The following IGSF3 variants were observed in gnomAD, a reference collection of about 807,000 sequenced individuals.
The protein encoded by IGSF3 is glu-Trp-Ile EWI motif-containing protein 3.
In IGSF3, 23 loss-of-function variants were observed where a neutral mutation model predicts 114.4. The observed-to-expected ratio is 0.20, with a 90% CI of 0.14 to 0.28. The LOEUF is 0.28. Ranked by LOEUF, IGSF3 falls within the 10% of genes least tolerant of loss-of-function variation. The pLI is 1.00. For synonymous variants in IGSF3, 571 were observed against 645.2 expected (o/e 0.88, Z 1.74); for missense variants, 1,172 against 1,591.5 (o/e 0.74, Z 4.48).
chr1:116,648,985 A>C lies in IGSF3; in HGVS notation c.43+17299T>G, dbSNP rs4044748. On this transcript the variant is annotated intron_variant, in intron 2 of 10. Transcript: ENST00000369486. The surrounding 1 kb of genome is among the most constrained non-coding windows in gnomAD (Gnocchi z 4.7). ...AGCCAGCAAGCTCCAGCCCATTGAC[A>C]GCAGACCCCTGAGCAAATCAAGTCA... Among the ~76,000 whole-genome samples the C allele has an allele frequency of 1.3e-5, 2 of 152,230 alleles. No homozygotes were observed. The highest frequency in any genetic ancestry group is 2.9e-5 in the Non-Finnish European group (2 of 68,042).
chr1:116,589,181 A>G lies in IGSF3; in HGVS notation c.2030-77T>C. 1 of 1,396,860 alleles carries G rather than the reference A, an allele frequency of 7.2e-7. No homozygotes were observed. The highest frequency in any genetic ancestry group is 1.3e-5 in the South Asian group (1 of 77,216). 86.5% of individuals were successfully genotyped at this position (1,396,860 alleles called of 1,614,324 possible). A position where few individuals can be genotyped will look rare whatever the true frequency, so the allele number is the denominator to read the frequency against. On this transcript the variant is annotated intron_variant, in intron 7 of 10. Transcript: ENST00000369486. The surrounding 1 kb of genome is among the most constrained non-coding windows in gnomAD (Gnocchi z 5.7). ...CCCATCCACCTCCAGGCTCTGAGCCAGGTTTCCTCCAGCACAGTTCCTGGG... is the reference window on the plus strand; with the variant it reads ...CCCATCCACCTCCAGGCTCTGAGCCGGGTTTCCTCCAGCACAGTTCCTGGG...
rs769995025 is a variant in IGSF3 at position 116,588,786 on chromosome 1, T to A, written c.2348A>T (p.His783Leu). The A allele has an allele frequency of 4.3e-5, 69 of 1,614,182 alleles. No individual in the cohort carries two copies. The South Asian group carries it at 7.4e-4, about 17-fold the overall frequency. The change falls in exon 8 of 11, where the codon CAC becomes CTC. Residue 783 changes from histidine to leucine, a missense_variant. Coordinates refer to ENST00000369486, the MANE Select transcript of IGSF3 (RefSeq NM_001007237.3). This position sits in a 1 kb window ranked among gnomAD's most constrained non-coding sequence, Gnocchi z 4.9. The part of the protein sequence containing the change: ...EVSDSGSYYC[H>L]VEEWLLSPNY... ...GGGGCTCAGCAGCCACTCCTCCACG[T>A]GGCAGTAGTAGCTGCCGCTGTCGCT...
Position 116,579,395 on chromosome 1 carries a change from T to G in IGSF3, c.3331A>C (p.Thr1111Pro), listed in dbSNP as rs1246440109. The stretch of plus-strand genomic sequence containing the variant: ...CCTCTGTACTTGGGAAACTCACTTG[T>G]ATCTAGAACACGGATGCCGATGGGG... ...SAPIGIRVLD[T>P]SPTLQSIICS... Residue 1111 changes from threonine to proline, a missense_variant, in exon 10 of 11, where the codon ACA becomes CCA. Coordinates refer to ENST00000369486, the MANE Select transcript of IGSF3 (RefSeq NM_001007237.3). This position sits in a 1 kb window ranked among gnomAD's most constrained non-coding sequence, Gnocchi z 6.4. 1.9e-6 allele frequency: 3 copies of G among 1,557,508 alleles called. No individual in the cohort carries two copies. The African/African-American group carries it at 4.1e-5, about 21-fold the overall frequency.
In IGSF3 at chr1:116,585,123, T is replaced by G. The variant is rs939520850; in HGVS notation, c.2441-71A>C. 38 of 1,216,360 alleles carry G rather than the reference T, an allele frequency of 3.1e-5. No individual in the cohort carries two copies. Among genetic ancestry groups the G allele is most frequent in the Non-Finnish European group, 4.2e-5 (37 of 881,610 alleles). The allele number at this position is 1,216,360 out of a possible 1,614,324, so 75.3% of individuals were successfully genotyped here. On this transcript the variant is annotated intron_variant, in intron 8 of 10. Coordinates refer to ENST00000369486, the MANE Select transcript of IGSF3 (RefSeq NM_001007237.3). This position sits in a 1 kb window ranked among gnomAD's most constrained non-coding sequence, Gnocchi z 4.9. ...AATTCGTACGCACCCTTTCCCAGGGTAGGTGAATGGATGCCTTCCAAATAC... is the reference window on the plus strand; with the variant it reads ...AATTCGTACGCACCCTTTCCCAGGGGAGGTGAATGGATGCCTTCCAAATAC...
rs1041288403 is a variant in IGSF3 at position 116,577,043 on chromosome 1, C to T, written c.*269G>A. The T allele has an allele frequency of 9.4e-6, 4 of 425,298 alleles. No homozygotes were observed. Among genetic ancestry groups the T allele is most frequent in the Non-Finnish European group, 1.7e-5 (4 of 235,140 alleles). 26.3% of individuals were successfully genotyped at this position (425,298 alleles called of 1,614,324 possible). A position where few individuals can be genotyped will look rare whatever the true frequency, so the allele number is the denominator to read the frequency against. On this transcript the variant is annotated 3_prime_UTR_variant, in exon 11 of 11. Coordinates refer to ENST00000369486, the MANE Select transcript of IGSF3 (RefSeq NM_001007237.3). The surrounding 1 kb of genome is among the most constrained non-coding windows in gnomAD (Gnocchi z 5.7). ...ATAAATCTGTGAGTAGATGTGGCAC[C>T]TGGAGCTACTCACTACATTACTAAA...
At chr1:116,643,388 G>C (rs907883990) in intron 2 of IGSF3, among the ~76,000 whole-genome samples, 1 of 152,210 alleles carries the variant, frequency 6.6e-6, no homozygotes, top group Non-Finnish European at 1.5e-5. Context: ...GATTCAGGGC[G>C]GACACTCCTC....
chr1:116,600,093 T>A lies in IGSF3; in HGVS notation c.1877A>T (p.Asn626Ile), dbSNP rs142843832. The A allele has an allele frequency of 6.2e-7, 1 of 1,614,104 alleles. No homozygotes were observed. Among genetic ancestry groups the A allele is most frequent in the African/African-American group, 1.3e-5 (1 of 74,930 alleles). ...RTAIEKAESS[N>I]NVRLSISRAS... is the part of the protein sequence containing the mutation. ...TCGGCTGATGCTTAGGCGGACGTTG[T>A]TGCTGGACTCAGCCTTCTCGATGGC... The change falls in exon 7 of 11, where the codon AAC (asparagine) becomes ATC (isoleucine). Residue 626 changes from asparagine to isoleucine, a missense_variant. Around this residue, in one of 3 missense-constraint regions of IGSF3, gnomAD observed 736 missense variants for 1,042.0 expected, o/e 0.71. Coordinates refer to ENST00000369486, the MANE Select transcript of IGSF3 (RefSeq NM_001007237.3). The surrounding 1 kb of genome is among the most constrained non-coding windows in gnomAD (Gnocchi z 5.5).
intron 7 of IGSF3, among the ~76,000 whole-genome samples, chr1:116,597,209 A>G (rs1234466843): frequency 1.3e-5 from 2 of 152,208 alleles, no homozygotes; most frequent in African/African-American, 4.8e-5. Context: ...TGGGAAAGCA[A>G]TATGTTCCTC....
Position 116,644,729 on chromosome 1 carries a change from C to G in IGSF3, c.43+21555G>C, listed in dbSNP as rs779187237. ...GCCCTGTGTGATGAAAGGACCTCCT[C>G]AGGAAACCTCCCCACCAGCAACTGG... On this transcript the variant is annotated intron_variant, in intron 2 of 10. Transcript: ENST00000369486. This position sits in a 1 kb window ranked among gnomAD's most constrained non-coding sequence, Gnocchi z 5.6. Among the ~76,000 whole-genome samples, 1 of 152,198 alleles carries G rather than the reference C, an allele frequency of 6.6e-6. No individual in the cohort carries two copies. The highest frequency in any genetic ancestry group is 1.5e-5 in the Non-Finnish European group (1 of 68,040).
In IGSF3 at chr1:116,577,564, T is replaced by C; in HGVS notation, c.3335-2A>G. ...AGATGATGGACTGGAGGGTGGGACCTGAAAAGAATCATGAGAGAGACAAGA... is the reference window on the plus strand; with the variant it reads ...AGATGATGGACTGGAGGGTGGGACCCGAAAAGAATCATGAGAGAGACAAGA... On this transcript the variant is annotated splice_acceptor_variant, in intron 10 of 10. Transcript: ENST00000369486. LOFTEE classifies it high-confidence loss of function. The surrounding 1 kb of genome is among the most constrained non-coding windows in gnomAD (Gnocchi z 5.7). 6.2e-7 allele frequency: 1 copy of C among 1,613,474 alleles called. No individual in the cohort carries two copies. The highest frequency in any genetic ancestry group is 8.5e-7 in the Non-Finnish European group (1 of 1,179,712).
At chr1:116,658,219 TA>T (rs1292705182) in intron 2 of IGSF3, among the ~76,000 whole-genome samples, 1 of 152,100 alleles carries the variant, frequency 6.6e-6, no homozygotes, top group Non-Finnish European at 1.5e-5. Context: ...TTTGTGTTTT[TA>T]GTAGAGATGG....
At chr1:116,587,573 G>A (rs1659907394) in intron 8 of IGSF3, among the ~76,000 whole-genome samples, 1 of 152,206 alleles carries the variant, frequency 6.6e-6, no homozygotes, top group Non-Finnish European at 1.5e-5. Flanking sequence ...GCCAGTGGCT[G>A]AAGATATAAG....
In IGSF3 at chr1:116,647,710, A is replaced by G. The variant is rs1238080680; in HGVS notation, c.43+18574T>C. ...CAGAGGCAAGGATGACCGGAACAAG[A>G]CAAACAAACGAAAGGCCGACTGACA... is the stretch of plus-strand genomic sequence containing the variant. On this transcript the variant is annotated intron_variant, in intron 2 of 10. Transcript: ENST00000369486. The surrounding 1 kb of genome is among the most constrained non-coding windows in gnomAD (Gnocchi z 4.6). Among the ~76,000 whole-genome samples, 1 of 152,220 alleles carries G rather than the reference A, an allele frequency of 6.6e-6. No homozygotes were observed. The highest frequency in any genetic ancestry group is 2.4e-5 in the African/African-American group (1 of 41,448).
At position 116,649,593 on chromosome 1, in the gene IGSF3, C is replaced by T. The variant is rs181056912; in HGVS notation, c.43+16691G>A. 1.3e-5 allele frequency among the ~76,000 whole-genome samples: 2 copies of T among 152,186 alleles called. No homozygotes were observed. Among genetic ancestry groups the T allele is most frequent in the African/African-American group, 2.4e-5 (1 of 41,444 alleles). On this transcript the variant is annotated intron_variant, in intron 2 of 10. Coordinates refer to ENST00000369486, the MANE Select transcript of IGSF3 (RefSeq NM_001007237.3). The surrounding 1 kb of genome is among the most constrained non-coding windows in gnomAD (Gnocchi z 4.5). ...TCACCAGTTAATTTATTACAATCTT[C>T]CTTTGACAGCTTCACTCCCTCCCCG...
Position 116,600,004 on chromosome 1 carries a change from T to C in IGSF3, c.1966A>G (p.Asn656Asp), listed in dbSNP as rs1660505555. The C allele has an allele frequency of 6.2e-7, 1 of 1,614,044 alleles. No individual in the cohort carries two copies. Among genetic ancestry groups the C allele is most frequent in the African/African-American group, 1.3e-5 (1 of 74,910 alleles). ...VAELWRKNYNNTWTRLAERTS... is the reference protein window; with the variant it reads ...VAELWRKNYNDTWTRLAERTS... ...CTCTCCGCCAGTCGCGTCCAGGTGT[T>C]GTTGTAGTTCTTCCGCCACAGCTCT... Residue 656 changes from asparagine to aspartate, a missense_variant, in exon 7 of 11, where the codon AAC becomes GAC. Transcript: ENST00000369486. The surrounding 1 kb of genome is among the most constrained non-coding windows in gnomAD (Gnocchi z 5.5).
rs1660844964 is a variant in IGSF3 at position 116,607,777 on chromosome 1, G to A, written c.1222+165C>T. On this transcript the variant is annotated intron_variant, in intron 5 of 10. Transcript: ENST00000369486. This position sits in a 1 kb window ranked among gnomAD's most constrained non-coding sequence, Gnocchi z 6.1. ...GAGCCTGCTACATGTATGCAGGTGGGCTACAACAGGGAAGAGAGGCTCAAT... is the reference window on the plus strand; with the variant it reads ...GAGCCTGCTACATGTATGCAGGTGGACTACAACAGGGAAGAGAGGCTCAAT... 6.6e-6 allele frequency among the ~76,000 whole-genome samples: 1 copy of A among 152,170 alleles called. No individual in the cohort carries two copies. The highest frequency in any genetic ancestry group is 2.1e-4 in the South Asian group (1 of 4,826).
Position 116,648,890 on chromosome 1 carries a change from C to A in IGSF3, c.43+17394G>T, listed in dbSNP as rs1484138133. 6.6e-6 allele frequency among the ~76,000 whole-genome samples: 1 copy of A among 152,180 alleles called. No homozygotes were observed. The highest frequency in any genetic ancestry group is 2.4e-5 in the African/African-American group (1 of 41,436). On this transcript the variant is annotated intron_variant, in intron 2 of 10. Transcript: ENST00000369486. The surrounding 1 kb of genome is among the most constrained non-coding windows in gnomAD (Gnocchi z 4.7). ...CCAGCACAGCTCATGAACAAGGATG[C>A]CCTTCCCTGGACAGCCAAGATGTAA...
chr1:116,594,550 C>T lies in IGSF3; in HGVS notation c.2029+5391G>A, dbSNP rs1660261248. ...TAAATATTAACTATTTGGTCCTCAC[C>T]AATCCTATGAAATAAATATTATTCC... On this transcript the variant is annotated intron_variant, in intron 7 of 10. Transcript: ENST00000369486. This position sits in a 1 kb window ranked among gnomAD's most constrained non-coding sequence, Gnocchi z 5.2. Among the ~76,000 whole-genome samples, 1 of 152,172 alleles carries T rather than the reference C, an allele frequency of 6.6e-6. No individual in the cohort carries two copies. The highest frequency in any genetic ancestry group is 2.4e-5 in the African/African-American group (1 of 41,434).
chr1:116,632,662 G>A lies in IGSF3; in HGVS notation c.44-16205C>T, dbSNP rs1023462382. 1.3e-5 allele frequency among the ~76,000 whole-genome samples: 2 copies of A among 152,138 alleles called. No individual in the cohort carries two copies. The highest frequency in any genetic ancestry group is 4.8e-5 in the African/African-American group (2 of 41,424). ...TTAAAGGAAATCCATGCTCTGGAGG[G>A]GAGAAAGAGAGGCTGTACTCATTAA... On this transcript the variant is annotated intron_variant, in intron 2 of 10. Transcript: ENST00000369486. This position sits in a 1 kb window ranked among gnomAD's most constrained non-coding sequence, Gnocchi z 5.1.
Sources: allele counts gnomAD v4.1 joint callset (sites outside exome capture counted in the v4.1 genomes callset), GRCh38; gene constraint gnomAD v4.1.1; regional missense constraint gnomAD v4.1.1; non-coding constraint Gnocchi (gnomAD v3.1); transcripts MANE v1.5; gene names NCBI Gene and HGNC (gene_info 2026-07-23, HGNC 2026-07-21).